TMEM79: variants seen among roughly 807,000 people sequenced by gnomAD.
The protein encoded by TMEM79 is mattrin.
Under a neutral mutation model 31.2 loss-of-function variants are expected in TMEM79, and 30 were observed. The ratio of observed to expected loss-of-function variants is 0.96; its 90% CI spans 0.72 to 1.30. The LOEUF (loss-of-function observed/expected upper bound fraction) is 1.30. Among genes scored for constraint, TMEM79 ranks in the 50% most tolerant of loss-of-function variants. The probability of loss-of-function intolerance (pLI) is 0.00; values close to 1 mark genes in which losing one functional copy is unlikely to be tolerated. For missense variants in TMEM79, 509 were observed against 528.2 expected, an observed-to-expected ratio of 0.96 and a Z score of 0.36; for synonymous variants, 213 against 229.5, an observed-to-expected ratio of 0.93 and a Z score of 0.65.
intron 1 of TMEM79, 126 bp downstream of exon 1, chr1:156,284,532 G>A (rs1047082639): frequency 3.3e-5 from 5 of 152,570 alleles, no homozygotes; most frequent in African/African-American, 1.2e-4. Flanking sequence ...CAGGAGAGAA[G>A]GCATAGAAAA....
intron 2 of TMEM79, 24 bp from the exon 3 acceptor site, chr1:156,286,236 A>C: frequency 6.2e-7 from 1 of 1,611,046 alleles, no homozygotes. Context: ...TTCTGACCCT[A>C]CCCTGTTTCC....
intron 3 of TMEM79, among the ~76,000 whole-genome samples, chr1:156,287,572 G>A (rs577986179): frequency 1.3e-5 from 2 of 148,198 alleles, no homozygotes; most frequent in Admixed American, 6.7e-5. Context: ...AACCAAGGAT[G>A]TGTGAGCTCT....
intron 3 of TMEM79, 23 bp downstream of exon 3, chr1:156,286,496 G>C (rs199616044): frequency 1.9e-6 from 3 of 1,610,582 alleles, no homozygotes; most frequent in South Asian, 2.2e-5. Context: ...AGAGGGTGGG[G>C]CATGGGAGAG....
chr1:156,287,209 G>A (rs915327276), intron 3 of TMEM79, among the ~76,000 whole-genome samples: 3 of 152,100 alleles, frequency 2.0e-5, no homozygotes, highest in African/African-American at 7.2e-5. Flanking sequence ...AATGTCAGGA[G>A]CTCGAGACCA....
intron 2 of TMEM79, 42 bp from the exon 3 acceptor site, chr1:156,286,218 C>A: frequency 6.3e-7 from 1 of 1,598,180 alleles, no homozygotes; most frequent in South Asian, 1.1e-5. Flanking sequence ...GTGCCCTTCC[C>A]CTGCCTTTTC....
intron 1 of TMEM79, among the ~76,000 whole-genome samples, 157 bp from the exon 2 acceptor site, chr1:156,285,027 T>G (rs772818726): frequency 6.6e-6 from 1 of 152,180 alleles, no homozygotes; most frequent in Non-Finnish European, 1.5e-5. Flanking sequence ...CTCCTCCCTC[T>G]GTTTCAGTGT....
intron 3 of TMEM79, among the ~76,000 whole-genome samples, chr1:156,289,624 G>C (rs918283646): frequency 6.6e-6 from 1 of 151,880 alleles, no homozygotes; most frequent in African/African-American, 2.4e-5. Flanking sequence ...AAAATAACAA[G>C]AACAACAAAA....
Position 156,291,455 on chromosome 1 carries a change from C to G in TMEM79, c.1042C>G (p.Pro348Ala), listed in dbSNP as rs867304158. The G allele has an allele frequency of 6.2e-7, 1 of 1,613,918 alleles. No individual in the cohort carries two copies. The highest frequency in any genetic ancestry group is 8.5e-7 in the Non-Finnish European group (1 of 1,180,044). ...RGFGYGLTFL[P>A]LLSMLMWNLY... ...CTTCGGCTACGGCCTGACGTTTCTG[C>G]CACTGCTGTCGATGCTGATGTGGAA... The change falls in exon 4 of 4, where the codon CCA becomes GCA. Residue 348 changes from proline to alanine, a missense_variant. Pro to Ala is a conservative substitution (Grantham distance 27). Coordinates refer to ENST00000405535, the MANE Select transcript of TMEM79 (RefSeq NM_032323.3).
intron 3 of TMEM79, among the ~76,000 whole-genome samples, chr1:156,287,121 T>TA (rs1663189849): frequency 6.7e-6 from 1 of 150,038 alleles, no homozygotes; most frequent in Non-Finnish European, 1.5e-5. Context: ...AGACTTCATC[T>TA]CAAAAAAATA....
rs765610142 is a variant in TMEM79, at chr1:156,285,835, C to T, written c.609C>T (p.Ser203=). Residue 203 remains serine, a synonymous_variant, in exon 2 of 4, where the codon TCC becomes TCT. Coordinates refer to ENST00000405535, the MANE Select transcript of TMEM79 (RefSeq NM_032323.3). Reference sequence around the variant, plus strand: ...GTGAGTGGCTAAGGGCTGTGGCCTCCGTGGGAGCCGCACTCATTCTCTTCC... The same window carrying T: ...GTGAGTGGCTAAGGGCTGTGGCCTCTGTGGGAGCCGCACTCATTCTCTTCC... ...GDREWLRAVA[S]VGAALILFPC... is the part of the protein sequence containing the mutation. 1.3e-5 allele frequency: 21 copies of T among 1,613,482 alleles called. No individual in the cohort carries two copies. The highest frequency in any genetic ancestry group is 1.7e-5 in the Non-Finnish European group (20 of 1,180,024).
upstream of TMEM79, chr1:156,282,975 C>T (rs1663041227): frequency 3.8e-6 from 2 of 524,134 alleles, no homozygotes; most frequent in Non-Finnish European, 6.7e-6. Flanking sequence ...CCGGCTTCTC[C>T]AAACCCTTGC....
At chr1:156,288,175 G>GTCTGCAGTC (rs1332670155) in intron 3 of TMEM79, among the ~76,000 whole-genome samples, 1 of 148,466 alleles carries the variant, frequency 6.7e-6, no homozygotes, top group Admixed American at 6.7e-5. Flanking sequence ...TCTGGCCTGG[G>GTCTGCAGTC]TGAAAGAGTG....
Position 156,286,351 on chromosome 1 carries a change from T to G in TMEM79, c.849T>G (p.Tyr283Ter). The G allele has an allele frequency of 6.2e-7, 1 of 1,614,192 alleles. No homozygotes were observed. Among genetic ancestry groups the G allele is most frequent in the South Asian group, 1.1e-5 (1 of 91,072 alleles). Reference protein sequence around the residue: ...PRREVEIHRRYVAQSVQLFIL... With the variant: ...PRREVEIHRR ...GGGAGGTGGAGATCCACCGGCGATA[T>G]GTGGCCCAGTCGGTCCAGCTCTTTA... Residue 283 changes from tyrosine (Y) to a stop codon, truncating the protein, a stop_gained, in exon 3 of 4, where the codon TAT (tyrosine) becomes TAG (stop). Coordinates refer to ENST00000405535, the MANE Select transcript of TMEM79 (RefSeq NM_032323.3). LOFTEE classifies it high-confidence loss of function.
chr1:156,289,593 C>T (rs369660806), intron 3 of TMEM79, among the ~76,000 whole-genome samples: 3 of 152,290 alleles, frequency 2.0e-5, no homozygotes, highest in East Asian at 3.9e-4. Context: ...GCCTGGGCGA[C>T]AGAGCGAGAC....
At position 156,291,672 on chromosome 1, in the gene TMEM79, C is replaced by A. The variant is rs766986211; in HGVS notation, c.*74C>A. 2.1e-6 allele frequency: 3 copies of A among 1,457,096 alleles called. No individual in the cohort carries two copies. The highest frequency in any genetic ancestry group is 4.6e-5 in the East Asian group (2 of 43,432). 90.3% of individuals were successfully genotyped at this position (1,457,096 alleles called of 1,614,324 possible). ...CACATCTTTGAACCTTGTGGCCAGGCCTGGACTTCGCCCCCAGGCCTAGGA... is the reference window on the plus strand; with the variant it reads ...CACATCTTTGAACCTTGTGGCCAGGACTGGACTTCGCCCCCAGGCCTAGGA... On this transcript the variant is annotated 3_prime_UTR_variant, in exon 4 of 4. Coordinates refer to ENST00000405535, the MANE Select transcript of TMEM79 (RefSeq NM_032323.3).
chr1:156,286,509 G>C (rs1264317525), intron 3 of TMEM79, 36 bp downstream of exon 3: 1 of 1,602,072 alleles, frequency 6.2e-7, no homozygotes. Context: ...TGGGAGAGGG[G>C]ATGGTGCTAG....
In TMEM79 at chr1:156,285,366, T is replaced by A; in HGVS notation, c.140T>A (p.Leu47His). 1 of 1,579,976 alleles carries A rather than the reference T, an allele frequency of 6.3e-7. No individual in the cohort carries two copies. The highest frequency in any genetic ancestry group is 8.6e-7 in the Non-Finnish European group (1 of 1,163,258). ...GGAESPGAES[L>H]RVGSSAGSPT... ...GCCGAATCCCCGGGAGCTGAGTCCC[T>A]CAGAGTGGGGTCTTCAGCTGGATCT... Residue 47 changes from leucine to histidine, a missense_variant, in exon 2 of 4, where the codon CTC becomes CAC. By Grantham distance (99) the Leu-to-His change is moderately conservative. Coordinates refer to ENST00000405535, the MANE Select transcript of TMEM79 (RefSeq NM_032323.3).
At chr1:156,290,218 A>C (rs1263536030) in intron 3 of TMEM79, 1 of 152,242 alleles carries the variant, frequency 6.6e-6, no homozygotes. Context: ...AGGGAAAAAT[A>C]ACTTTTTGCT....
chr1:156,285,064 G>A, intron 1 of TMEM79, 120 bp from the exon 2 acceptor site: 1 of 726,592 alleles, frequency 1.4e-6, no homozygotes, highest in Non-Finnish European at 2.0e-6. Context: ...TTCTCCCTAA[G>A]GCTCCAGAAG....
Sources: gnomAD v4.1 joint callset for allele counts (sites outside exome capture counted in the v4.1 genomes callset) on GRCh38, gnomAD v4.1.1 for gene constraint, MANE v1.5 for transcripts, NCBI Gene and HGNC (gene_info 2026-07-23, HGNC 2026-07-21) for gene names.